The following CARD19 variants were observed in gnomAD, a reference collection of about 807,000 sequenced individuals.
CARD19 encodes caspase recruitment domain-containing protein 19.
In CARD19, 25 loss-of-function variants were observed where a neutral mutation model predicts 24.1. The observed-to-expected ratio is 1.04, with a 90% CI of 0.76 to 1.45. The LOEUF (loss-of-function observed/expected upper bound fraction) is 1.45, where lower values mean the gene tolerates loss of function less well. Ranked by LOEUF, CARD19 falls within the 40% of genes most tolerant of loss-of-function variation. CARD19 has a pLI of 0.00. For synonymous variants in CARD19, 103 were observed against 104.9 expected (o/e 0.98, Z 0.11); for missense variants, 241 against 247.4 (o/e 0.97, Z 0.17).
intron 3 of CARD19, chr9:93,111,395 A>G (rs1827478034): frequency 2.7e-6 from 3 of 1,092,804 alleles, no homozygotes; most frequent in Non-Finnish European, 3.4e-6. Context: ...AGGAGGGGCT[A>G]CTGCCCCTTG....
At chr9:93,112,392 C>A in intron 5 of CARD19, 103 bp downstream of exon 5, 1 of 918,836 alleles carries the variant, frequency 1.1e-6, no homozygotes, top group Non-Finnish European at 1.7e-6. Context: ...CCTCTTCGTA[C>A]CTCGGTGTCC....
chr9:93,100,233 T>C (rs376124304), intron 1 of CARD19, among the ~76,000 whole-genome samples: 37 of 152,316 alleles, frequency 2.4e-4, no homozygotes, highest in African/African-American at 8.2e-4. Flanking sequence ...AGTAAAACAG[T>C]CTGTTGAGTC....
chr9:93,096,696 G>A lies in CARD19; in HGVS notation c.7+344G>A, dbSNP rs982424268. 7.2e-5 allele frequency among the ~76,000 whole-genome samples: 11 copies of A among 152,210 alleles called. No individual in the cohort carries two copies. Among genetic ancestry groups the A allele is most frequent in the South Asian group, 2.1e-4 (1 of 4,830 alleles). On this transcript the variant is annotated intron_variant, in intron 1 of 5. Coordinates refer to ENST00000375464, the MANE Select transcript of CARD19 (RefSeq NM_032310.5). This position sits in a 1 kb window ranked among gnomAD's most constrained non-coding sequence, Gnocchi z 5.4. Reference sequence around the variant, plus strand: ...GCCACTGCCAATGTGTGTGTGTCCCGTGGTGGGGAATTTGGTCTGAAAGAG... The same window carrying A: ...GCCACTGCCAATGTGTGTGTGTCCCATGGTGGGGAATTTGGTCTGAAAGAG...
At chr9:93,109,467 C>T (rs1970623) in intron 2 of CARD19, among the ~76,000 whole-genome samples, 145,162 of 151,296 alleles carry the variant, frequency 0.96, 69,701 homozygotes, top group African/African-American at 0.99. Flanking sequence ...GCCAATACTT[C>T]TGTCTTTTTT....
At chr9:93,107,951 A>T in intron 2 of CARD19, 135 bp downstream of exon 2, 6 of 1,179,966 alleles carry the variant, frequency 5.1e-6, no homozygotes, top group Non-Finnish European at 5.9e-6. Context: ...TTCAGAGGTG[A>T]CACATCTGGA....
chr9:93,108,520 A>G (rs748568581), intron 2 of CARD19, among the ~76,000 whole-genome samples: 11 of 151,514 alleles, frequency 7.3e-5, no homozygotes, highest in Non-Finnish European at 1.0e-4. Context: ...CCTGCCTGGC[A>G]GGTGTGGTGA....
chr9:93,112,970 T>C (rs1463163234), intron 5 of CARD19, 22 bp from the exon 6 acceptor site: 1 of 1,557,286 alleles, frequency 6.4e-7, no homozygotes, highest in Admixed American at 1.8e-5. Flanking sequence ...CTTGAGCTTT[T>C]GCCTCCCCTT....
chr9:93,112,784 C>T (rs943249722), intron 5 of CARD19, among the ~76,000 whole-genome samples: 7 of 152,188 alleles, frequency 4.6e-5, no homozygotes, highest in African/African-American at 1.7e-4. Flanking sequence ...CATGGCAGGA[C>T]TCAAAGGCCC....
chr9:93,105,739 C>G (rs1827229635), intron 1 of CARD19, among the ~76,000 whole-genome samples: 1 of 152,008 alleles, frequency 6.6e-6, no homozygotes, highest in Non-Finnish European at 1.5e-5. Context: ...GTTTTGTGGC[C>G]TATCTTGGGG....
At chr9:93,107,513 C>T (rs556096490) in intron 1 of CARD19, among the ~76,000 whole-genome samples, 161 bp from the exon 2 acceptor site, 31 of 152,368 alleles carry the variant, frequency 2.0e-4, no homozygotes, top group South Asian at 4.1e-4. Flanking sequence ...CTGGGCAATG[C>T]GCACCACACA....
intron 1 of CARD19, among the ~76,000 whole-genome samples, chr9:93,107,060 T>C (rs943194427): frequency 3.9e-5 from 6 of 152,052 alleles, no homozygotes; most frequent in Admixed American, 1.3e-4. Flanking sequence ...GGTTTATTGT[T>C]GGTAGAAGCT....
intron 2 of CARD19, chr9:93,109,913 G>A (rs1444654095): frequency 6.6e-6 from 1 of 152,290 alleles, no homozygotes; most frequent in Non-Finnish European, 1.5e-5. Flanking sequence ...AAGAAACCAA[G>A]TCTCTGAGGG....
At chr9:93,097,492 G>T (rs541888166) in intron 1 of CARD19, among the ~76,000 whole-genome samples, 1 of 152,314 alleles carries the variant, frequency 6.6e-6, no homozygotes, top group East Asian at 1.9e-4. Context: ...GTTTGAAAAT[G>T]ATCAGATGGG....
intron 1 of CARD19, among the ~76,000 whole-genome samples, chr9:93,105,195 T>C (rs57409347): frequency 0.037 from 1,007 of 27,148 alleles, 23 homozygotes; most frequent in East Asian, 0.11. Context: ...CGTGTGTGTG[T>C]GCGTGTGTGT....
At chr9:93,105,938 A>T (rs185233225) in intron 1 of CARD19, among the ~76,000 whole-genome samples, 1 of 152,268 alleles carries the variant, frequency 6.6e-6, no homozygotes, top group Admixed American at 6.5e-5. Context: ...TTATAGAGAT[A>T]TCTATTTCTC....
intron 1 of CARD19, among the ~76,000 whole-genome samples, chr9:93,098,755 C>T (rs914944273): frequency 2.0e-5 from 3 of 152,204 alleles, no homozygotes; most frequent in Non-Finnish European, 2.9e-5. Context: ...AGCTGACTCA[C>T]GGCTCATGGT....
chr9:93,109,628 T>C (rs188005164), intron 2 of CARD19, among the ~76,000 whole-genome samples: 9 of 152,004 alleles, frequency 5.9e-5, no homozygotes, highest in Admixed American at 5.9e-4. Flanking sequence ...TCATGCCCAG[T>C]CAATTTTTTG....
intron 1 of CARD19, among the ~76,000 whole-genome samples, chr9:93,101,703 G>T (rs776940374): frequency 1.3e-5 from 2 of 152,080 alleles, no homozygotes; most frequent in African/African-American, 2.4e-5. Context: ...CTCCCAAAGT[G>T]CTGGGATTAC....
intron 1 of CARD19, among the ~76,000 whole-genome samples, chr9:93,103,279 C>A (rs554866068): frequency 1.3e-5 from 2 of 152,134 alleles, no homozygotes; most frequent in Non-Finnish European, 2.9e-5. Context: ...TAAAAATGTC[C>A]TTCAATATAT....
Sources: allele counts gnomAD v4.1 joint callset (sites outside exome capture counted in the v4.1 genomes callset), GRCh38; gene constraint gnomAD v4.1.1; non-coding constraint Gnocchi (gnomAD v3.1); transcripts MANE v1.5; gene names NCBI Gene and HGNC (gene_info 2026-07-23, HGNC 2026-07-21).